The following TAF1 variants were observed in gnomAD, a reference collection of about 807,000 sequenced individuals.
TAF1 encodes TATA-box binding protein associated factor 1, also known as transcription initiation factor TFIID subunit 1.
In TAF1, 2 loss-of-function variants were observed where a neutral mutation model predicts 138.5. That is an observed-to-expected ratio of 0.01 (90% confidence interval 0.01 to 0.05). The LOEUF is 0.05. Ranked by LOEUF, TAF1 falls within the 10% of genes least tolerant of loss-of-function variation. The pLI is 1.00. For missense variants in TAF1, 709 were observed against 1,478.0 expected, an observed-to-expected ratio of 0.48 and a Z score of 8.53; for synonymous variants, 437 against 503.2, an observed-to-expected ratio of 0.87 and a Z score of 1.76.
intron 13 of TAF1, among the ~76,000 whole-genome samples, chrX:71,474,069 C>G (rs781284668): frequency 1.8e-5 from 2 of 110,478 alleles, no homozygotes; most frequent in Non-Finnish European, 3.8e-5. Flanking sequence ...CGCTTGAAAC[C>G]GGGAAGCAGA....
chrX:71,512,094 C>A (rs887060971), intron 13 of TAF1, among the ~76,000 whole-genome samples: 2 of 109,916 alleles, frequency 1.8e-5, no homozygotes, highest in African/African-American at 6.6e-5. Context: ...GCAGGCGGAT[C>A]ACAAGGTCAG....
intron 36 of TAF1, 143 bp from the exon 37 acceptor site, chrX:71,460,483 T>C (rs1379199977): frequency 2.2e-5 from 13 of 598,724 alleles, no homozygotes; most frequent in Middle Eastern, 6.5e-4. Flanking sequence ...TAGGCAGTTA[T>C]AAGAGGCATT....
At position 71,411,834 on chromosome X, in the gene TAF1, C is replaced by T. The variant is rs146461103; in HGVS notation, c.4384+3683C>T. Among the ~76,000 whole-genome samples the T allele has an allele frequency of 8.9e-5, 10 of 112,125 alleles. No homozygotes were observed. The East Asian group carries it at 2.2e-3, about 25-fold the overall frequency. On this transcript the variant is annotated intron_variant, in intron 28 of 37. Transcript: ENST00000423759. ...ATGCGATAGCGTGATCTCAGCTCAC[C>T]GCAACCTCCACCTCCTGGGTTCAAG...
chrX:71,388,975 G>A (rs978075658), intron 17 of TAF1, 107 bp downstream of exon 17: 33 of 958,853 alleles, frequency 3.4e-5, no homozygotes, highest in Non-Finnish European at 4.5e-5. Flanking sequence ...CTGGCTTAGG[G>A]AGGATGGTTT....
At chrX:71,518,326 C>G (rs767782723) in intron 13 of TAF1, among the ~76,000 whole-genome samples, 1 of 111,050 alleles carries the variant, frequency 9.0e-6, no homozygotes, top group East Asian at 2.8e-4. Context: ...TGCCACCATG[C>G]CCAGCTAATT....
intron 32 of TAF1, among the ~76,000 whole-genome samples, chrX:71,427,496 G>A (rs1310545610): frequency 1.8e-5 from 2 of 111,975 alleles, no homozygotes; most frequent in African/African-American, 6.5e-5. Flanking sequence ...ACATAGGGCA[G>A]ACTTAACAAG....
At chrX:71,390,827 C>G (rs1413187144) in intron 18 of TAF1, among the ~76,000 whole-genome samples, 4 of 111,257 alleles carry the variant, frequency 3.6e-5, no homozygotes, top group Non-Finnish European at 7.5e-5. Context: ...GAAACCCTGA[C>G]TCTACTAAAA....
rs1346218744 is a variant in TAF1, at chrX:71,378,278, C to T, written c.977C>T (p.Thr326Ile). Residue 326 changes from threonine (T) to isoleucine (I), a missense_variant, in exon 7 of 38, where the codon ACT becomes ATT. By Grantham distance (89) the Thr-to-Ile change is moderately conservative. Around this residue, in one of 14 missense-constraint regions of TAF1, gnomAD observed 201 missense variants for 421.3 expected, o/e 0.48. Coordinates refer to ENST00000423759, the MANE Select transcript of TAF1 (RefSeq NM_004606.5). ...GTGGAGTCCAAATTTTCCCAATCAA[C>T]TGGAGATATAGATAAAGTGACAGAT... ...APVESKFSQS[T>I]GDIDKVTDTK... 29 of 1,209,947 alleles carry T rather than the reference C, an allele frequency of 2.4e-5. No homozygotes were observed. The highest frequency in any genetic ancestry group is 3.5e-5 in the African/African-American group (2 of 57,133).
chrX:71,513,151 G>C (rs2039763602), intron 13 of TAF1, among the ~76,000 whole-genome samples: 1 of 111,992 alleles, frequency 8.9e-6, no homozygotes, highest in Non-Finnish European at 1.9e-5. Flanking sequence ...TTAAGATTCA[G>C]GATTAAGGGA....
chrX:71,508,938 C>T (rs1194017820), intron 13 of TAF1, among the ~76,000 whole-genome samples: 1 of 109,153 alleles, frequency 9.2e-6, no homozygotes, highest in Non-Finnish European at 1.9e-5. Flanking sequence ...TCCTGAGTAG[C>T]TGGGACTATG....
intron 13 of TAF1, among the ~76,000 whole-genome samples, chrX:71,503,308 ATATATATATATATGTGTGTG>A (rs1425900499): frequency 1.8e-3 from 169 of 95,729 alleles, no homozygotes; most frequent in Non-Finnish European, 3.0e-3. Context: ...GTATATATAT[ATATATATATATATGTGTGTG>A]TATATATATA....
chrX:71,397,145 C>A, intron 22 of TAF1, 108 bp from the exon 23 acceptor site: 2 of 822,690 alleles, frequency 2.4e-6, no homozygotes, highest in Non-Finnish European at 1.8e-6. Context: ...TTTTGTAGAA[C>A]CATAGTTTTG....
At chrX:71,409,025 AAAAAG>A (rs1461168220) in intron 28 of TAF1, among the ~76,000 whole-genome samples, 3 of 110,329 alleles carry the variant, frequency 2.7e-5, no homozygotes, top group African/African-American at 9.9e-5. Context: ...AAAAAAAAAA[AAAAAG>A]AGAGAGAGAC....
At chrX:71,445,574 C>T (rs930458061) in intron 32 of TAF1, among the ~76,000 whole-genome samples, 1 of 111,590 alleles carries the variant, frequency 9.0e-6, no homozygotes, top group East Asian at 2.8e-4. Context: ...TGGCTTATTT[C>T]TAGAAGTCTT....
At chrX:71,446,067 T>C (rs1381616171) in intron 32 of TAF1, among the ~76,000 whole-genome samples, 1 of 110,267 alleles carries the variant, frequency 9.1e-6, no homozygotes, top group Admixed American at 9.7e-5. Flanking sequence ...TGCGTCACCA[T>C]GCCTGGCCAA....
chrX:71,392,436 A>G (rs1361242966), intron 18 of TAF1, 133 bp from the exon 19 acceptor site: 5 of 850,409 alleles, frequency 5.9e-6, no homozygotes, highest in African/African-American at 2.1e-5. Flanking sequence ...TTAAGAGAGC[A>G]TGAACCCACA....
intron 13 of TAF1, among the ~76,000 whole-genome samples, chrX:71,482,583 A>C (rs1231697840): frequency 1.8e-5 from 2 of 112,561 alleles, no homozygotes; most frequent in Non-Finnish European, 3.7e-5. Flanking sequence ...ACGTCTAAAA[A>C]TACTTTATCG....
intron 13 of TAF1, among the ~76,000 whole-genome samples, chrX:71,500,439 G>T (rs1284271817): frequency 5.4e-4 from 53 of 97,975 alleles, no homozygotes; most frequent in African/African-American, 1.1e-3. Flanking sequence ...AATGGCTTAG[G>T]ATGCATTTCA....
intron 13 of TAF1, among the ~76,000 whole-genome samples, chrX:71,524,760 G>A (rs1329975928): frequency 9.1e-6 from 1 of 109,395 alleles, no homozygotes; most frequent in Non-Finnish European, 1.9e-5. Flanking sequence ...GGCCAACATG[G>A]TGAAACCCCA....
Sources: gnomAD v4.1 joint callset for allele counts (sites outside exome capture counted in the v4.1 genomes callset) on GRCh38, gnomAD v4.1.1 for gene constraint, gnomAD v4.1.1 regional missense constraint, MANE v1.5 for transcripts, NCBI Gene and HGNC (gene_info 2026-07-23, HGNC 2026-07-21) for gene names.